PCSK2: variants seen among roughly 807,000 people sequenced by gnomAD.
PCSK2 encodes neuroendocrine convertase 2.
Under a neutral mutation model 69.7 loss-of-function variants are expected in PCSK2, and 14 were observed. The observed-to-expected ratio is 0.20, with a 90% CI of 0.13 to 0.31. The LOEUF is 0.31. PCSK2 is among the 10% of genes least tolerant of loss of function. The pLI is 1.00. For synonymous variants in PCSK2, 307 were observed against 320.7 expected (o/e 0.96, Z 0.46); for missense variants, 544 against 842.5 (o/e 0.65, Z 4.39).
intron 6 of PCSK2, among the ~76,000 whole-genome samples, chr20:17,429,141 C>A (rs752342015): frequency 1.3e-5 from 2 of 150,584 alleles, no homozygotes; most frequent in Non-Finnish European, 2.9e-5. Context: ...TCTGAAAACA[C>A]AGCCTTCTCA....
chr20:17,361,304 C>T (rs1193741689), intron 4 of PCSK2, among the ~76,000 whole-genome samples: 5 of 152,214 alleles, frequency 3.3e-5, no homozygotes, highest in Admixed American at 6.5e-5. Context: ...ACAGACATCC[C>T]TTACATGTTA....
intron 2 of PCSK2, among the ~76,000 whole-genome samples, chr20:17,325,270 T>C (rs1281412366): frequency 6.6e-6 from 1 of 152,122 alleles, no homozygotes; most frequent in East Asian, 1.9e-4. Context: ...AATAAATAGC[T>C]GTTGAAGAGA....
intron 2 of PCSK2, among the ~76,000 whole-genome samples, chr20:17,294,913 C>G (rs566181944): frequency 3.9e-5 from 6 of 152,124 alleles, no homozygotes; most frequent in Non-Finnish European, 8.8e-5. Flanking sequence ...TCTCTCAACA[C>G]TTCTTACCCT....
chr20:17,469,639 C>A (rs1313217184), intron 11 of PCSK2, among the ~76,000 whole-genome samples: 3 of 152,138 alleles, frequency 2.0e-5, no homozygotes, highest in African/African-American at 7.2e-5. Context: ...CTTTTCACTA[C>A]ATGACCTTGA....
intron 2 of PCSK2, among the ~76,000 whole-genome samples, chr20:17,286,356 C>A (rs564954232): frequency 1.3e-5 from 2 of 152,102 alleles, no homozygotes; most frequent in Admixed American, 1.3e-4. Flanking sequence ...TAATGTTAAA[C>A]GAAAGAGTTT....
rs559565258 is a variant in PCSK2, at chr20:17,249,512, A to C, written c.178-10728A>C. On this transcript the variant is annotated intron_variant, in intron 1 of 11. Transcript: ENST00000262545. ...AGAGCGAGACTCTGTCTCAAAAAAA[A>C]AAAAAAAAAAAGTTGCATAAATAGC... Among the ~76,000 whole-genome samples the C allele has an allele frequency of 1.2e-3, 188 of 151,842 alleles. 3 individuals carry two copies. Among genetic ancestry groups the C allele is most frequent in the African/African-American group, 4.1e-3 (169 of 41,400 alleles).
intron 5 of PCSK2, among the ~76,000 whole-genome samples, chr20:17,380,550 T>TTAA (rs1157276044): frequency 8.5e-5 from 13 of 152,264 alleles, no homozygotes; most frequent in Admixed American, 7.8e-4. Flanking sequence ...GTAAAATGGG[T>TTAA]TAATAATAAT....
At chr20:17,293,682 CATGAGATT>C (rs1988771826) in intron 2 of PCSK2, among the ~76,000 whole-genome samples, 1 of 152,228 alleles carries the variant, frequency 6.6e-6, no homozygotes, top group Admixed American at 6.5e-5. Flanking sequence ...TTTACTTTGT[CATGAGATT>C]ATGTTTTATT....
At chr20:17,353,170 G>A (rs776014201) in intron 2 of PCSK2, among the ~76,000 whole-genome samples, 7 of 152,008 alleles carry the variant, frequency 4.6e-5, no homozygotes, top group Non-Finnish European at 8.8e-5. Flanking sequence ...CTGATTAAAA[G>A]TCAAAAAATA....
At chr20:17,437,143 G>GCA (rs1568649767) in intron 8 of PCSK2, among the ~76,000 whole-genome samples, 1 of 152,184 alleles carries the variant, frequency 6.6e-6, no homozygotes, top group South Asian at 2.1e-4. Flanking sequence ...GGGCCGGGGG[G>GCA]GGGAGGGTCT....
chr20:17,321,668 A>G (rs142309699), intron 2 of PCSK2, among the ~76,000 whole-genome samples: 61 of 152,340 alleles, frequency 4.0e-4, no homozygotes, highest in African/African-American at 1.4e-3. Context: ...AGTTGATTCC[A>G]TAATTCACTC....
At chr20:17,464,989 C>A in intron 10 of PCSK2, 1 of 330,856 alleles carries the variant, frequency 3.0e-6, no homozygotes, top group Non-Finnish European at 5.8e-6. Context: ...TACTTGCACG[C>A]TCATCCACAA....
At chr20:17,239,402 A>G (rs1254777336) in intron 1 of PCSK2, among the ~76,000 whole-genome samples, 1 of 151,432 alleles carries the variant, frequency 6.6e-6, no homozygotes, top group Non-Finnish European at 1.5e-5. Flanking sequence ...GGGAAGAAGG[A>G]TGGGAAACAA....
At chr20:17,422,823 G>A (rs868525294) in intron 6 of PCSK2, among the ~76,000 whole-genome samples, 6 of 152,098 alleles carry the variant, frequency 3.9e-5, no homozygotes, top group Middle Eastern at 3.4e-3. Flanking sequence ...TGCAAAAACA[G>A]ACACCACATA....
At chr20:17,305,873 T>G (rs963138280) in intron 2 of PCSK2, among the ~76,000 whole-genome samples, 1 of 152,226 alleles carries the variant, frequency 6.6e-6, no homozygotes, top group African/African-American at 2.4e-5. Flanking sequence ...CACTATGCCA[T>G]ATACACAAAA....
At chr20:17,447,578 T>C (rs1259998111) in intron 8 of PCSK2, among the ~76,000 whole-genome samples, 2 of 150,616 alleles carry the variant, frequency 1.3e-5, no homozygotes, top group African/African-American at 4.9e-5. Flanking sequence ...AGAACAATAA[T>C]ATGGCAGATG....
At position 17,479,487 on chromosome 20, in the gene PCSK2, A is replaced by G. The variant is rs16999270; in HGVS notation, c.1431-2097A>G. 2.9e-4 allele frequency: 132 copies of G among 462,688 alleles called. 1 individual carries two copies. Among genetic ancestry groups the G allele is most frequent in the African/African-American group, 2.2e-3 (112 of 50,018 alleles). 28.7% of individuals were successfully genotyped at this position (462,688 alleles called of 1,614,324 possible). On this transcript the variant is annotated intron_variant, in intron 11 of 11. Coordinates refer to ENST00000262545, the MANE Select transcript of PCSK2 (RefSeq NM_002594.5). Reference sequence around the variant, plus strand: ...TACGCCTGTGCCTGGTATTTCATACATGGTCTTATTTAACCACACAAGAAT... The same window carrying G: ...TACGCCTGTGCCTGGTATTTCATACGTGGTCTTATTTAACCACACAAGAAT...
chr20:17,310,153 A>G (rs1002664625), intron 2 of PCSK2, among the ~76,000 whole-genome samples: 2 of 152,192 alleles, frequency 1.3e-5, no homozygotes, highest in African/African-American at 2.4e-5. Context: ...CTCACTCGCT[A>G]TCATGACAAT....
intron 5 of PCSK2, among the ~76,000 whole-genome samples, chr20:17,381,462 G>A (rs2031085208): frequency 6.6e-6 from 1 of 152,086 alleles, no homozygotes. Context: ...TTTAAATAAG[G>A]AGTTCAGTGT....
Sources: gnomAD v4.1 joint callset for allele counts (sites outside exome capture counted in the v4.1 genomes callset) on GRCh38, gnomAD v4.1.1 for gene constraint, MANE v1.5 for transcripts, NCBI Gene and HGNC (gene_info 2026-07-23, HGNC 2026-07-21) for gene names.